PCDHA8: variants seen among roughly 807,000 people sequenced by gnomAD.
PCDHA8 encodes the protein protocadherin alpha 8, also known as protocadherin alpha-8.
PCDHA8 carries 53 observed loss-of-function variants against 61.8 expected under a neutral mutation model. That is an observed-to-expected ratio of 0.86 (90% CI 0.69 to 1.08). The LOEUF (loss-of-function observed/expected upper bound fraction) is 1.08. Ranked by LOEUF, PCDHA8 falls within the 50% of genes least tolerant of loss-of-function variation. The pLI is 0.00. For synonymous variants in PCDHA8, 618 were observed against 556.6 expected (o/e 1.11, Z -1.55); for missense variants, 1,293 against 1,245.0 (o/e 1.04, Z -0.58).
At chr5:140,866,347 A>G (rs1554160242) in intron 1 of PCDHA8, 2 of 152,140 alleles carry the variant, frequency 1.3e-5, no homozygotes, top group Admixed American at 6.5e-5. Context: ...GGATTCAAGA[A>G]ATGTTTACAA....
chr5:140,965,445 G>T (rs1460508023), intron 1 of PCDHA8, among the ~76,000 whole-genome samples: 1 of 151,794 alleles, frequency 6.6e-6, no homozygotes, highest in Non-Finnish European at 1.5e-5. Flanking sequence ...TGAAATTGCT[G>T]GTTATTGTAA....
chr5:140,884,598 C>T (rs782317237), intron 1 of PCDHA8: 4 of 1,614,108 alleles, frequency 2.5e-6, no homozygotes. Flanking sequence ...CCCAGCCTTC[C>T]TCCTTGTCTG....
intron 1 of PCDHA8, among the ~76,000 whole-genome samples, chr5:140,908,419 A>G (rs782714084): frequency 6.6e-6 from 1 of 152,196 alleles, no homozygotes; most frequent in Non-Finnish European, 1.5e-5. Context: ...TGATGATGGA[A>G]TGCTGCTGTG....
At chr5:140,907,166 A>C (rs2073212277) in intron 1 of PCDHA8, among the ~76,000 whole-genome samples, 2 of 152,174 alleles carry the variant, frequency 1.3e-5, no homozygotes, top group Non-Finnish European at 2.9e-5. Context: ...CATATATTGG[A>C]TGCTGATTCA....
Position 141,009,840 on chromosome 5 carries a change from A to T in PCDHA8, c.2756A>T (p.Lys919Met), listed in dbSNP as rs782270689. 1 of 1,614,186 alleles carries T rather than the reference A, an allele frequency of 6.2e-7. No individual in the cohort carries two copies. The highest frequency in any genetic ancestry group is 1.7e-5 in the Admixed American group (1 of 60,024). The change falls in exon 4 of 4, where the codon AAG (lysine) becomes ATG (methionine). Residue 919 changes from lysine (K) to methionine (M), a missense_variant. Lys to Met is a moderately conservative substitution (Grantham distance 95). Coordinates refer to ENST00000531613, the MANE Select transcript of PCDHA8 (RefSeq NM_018911.3). ...AGTGACTTCATAACCTTCGGCAAAA[A>T]GGAGGAGACCAAGAAAAAGAAGAAA... Reference protein sequence around the residue: ...DKSDFITFGKKEETKKKKKKK... With the variant: ...DKSDFITFGKMEETKKKKKKK...
intron 1 of PCDHA8, among the ~76,000 whole-genome samples, chr5:140,921,612 TATC>T (rs2080294560): frequency 6.6e-6 from 1 of 152,158 alleles, no homozygotes; most frequent in Non-Finnish European, 1.5e-5. Flanking sequence ...ATAAGAAAAA[TATC>T]ATCAGATCAT....
chr5:140,870,420 G>A (rs371557347), intron 1 of PCDHA8: 9 of 1,614,234 alleles, frequency 5.6e-6, no homozygotes, highest in Admixed American at 1.7e-5. Context: ...CCACGGCCAG[G>A]GTATCCGTGG....
chr5:141,009,510 C>T (rs936602953), intron 3 of PCDHA8, 117 bp from the exon 4 acceptor site: 7 of 1,498,300 alleles, frequency 4.7e-6, no homozygotes, highest in Admixed American at 4.7e-5. Flanking sequence ...ACAAACAACT[C>T]GTGATTTTTC....
chr5:140,998,893 C>T (rs144409989), intron 3 of PCDHA8, among the ~76,000 whole-genome samples: 1 of 152,306 alleles, frequency 6.6e-6, no homozygotes, highest in African/African-American at 2.4e-5. Flanking sequence ...GAATAAATAA[C>T]AATGCCTCCG....
chr5:140,857,445 A>G lies in PCDHA8; in HGVS notation c.2394+13730A>G, dbSNP rs144782261. The G allele has an allele frequency of 8.5e-5, 136 of 1,598,262 alleles. 10 individuals carry two copies. Among genetic ancestry groups the G allele is most frequent in the Non-Finnish European group, 1.1e-4 (128 of 1,167,832 alleles). ...GAGTACACGGTGTTCGTGAAGGAGA[A>G]CAACCCGCCAGGCTGCCACATCTTC... On this transcript the variant is annotated intron_variant, in intron 1 of 3. Transcript: ENST00000531613.
At chr5:140,869,170 T>C in intron 1 of PCDHA8, 3 of 1,613,920 alleles carry the variant, frequency 1.9e-6, no homozygotes, top group Non-Finnish European at 2.5e-6. Context: ...CCTCCTCGAA[T>C]TCTGGGAGGT....
chr5:141,007,435 G>A (rs1342767950), intron 3 of PCDHA8, among the ~76,000 whole-genome samples: 1 of 150,972 alleles, frequency 6.6e-6, no homozygotes, highest in Non-Finnish European at 1.5e-5. Flanking sequence ...AGGCATGGTG[G>A]CATGTGCCTG....
intron 1 of PCDHA8, among the ~76,000 whole-genome samples, chr5:140,946,691 G>C (rs782114019): frequency 6.8e-6 from 1 of 147,578 alleles, no homozygotes; most frequent in Non-Finnish European, 1.5e-5. Flanking sequence ...TGACAATATG[G>C]ATGAATCTGG....
intron 1 of PCDHA8, among the ~76,000 whole-genome samples, chr5:140,941,916 A>G (rs191775899): frequency 2.8e-3 from 421 of 152,316 alleles, no homozygotes; most frequent in Middle Eastern, 6.8e-3. Flanking sequence ...GCTTTTATGT[A>G]TATCTTAAAA....
rs1554143112 is a variant in PCDHA8 at position 140,849,624 on chromosome 5, C to G, written c.2394+5909C>G. ...TATTGCCCTGATTAGTGTGATCGAC[C>G]TAGACGCAGATGCCAACGGGCAGGT... is the stretch of plus-strand genomic sequence containing the variant. On this transcript the variant is annotated intron_variant, in intron 1 of 3. Transcript: ENST00000531613. 3.1e-6 allele frequency: 5 copies of G among 1,598,656 alleles called. No individual in the cohort carries two copies. The African/African-American group carries it at 6.7e-5, about 21-fold the overall frequency.
chr5:140,978,044 G>A (rs1205342779), intron 1 of PCDHA8, among the ~76,000 whole-genome samples: 1 of 152,140 alleles, frequency 6.6e-6, no homozygotes, highest in Non-Finnish European at 1.5e-5. Flanking sequence ...GACAGTGATG[G>A]TGACTGATGA....
intron 3 of PCDHA8, among the ~76,000 whole-genome samples, chr5:140,991,982 A>ACCAC (rs2097483325): frequency 6.6e-6 from 1 of 151,494 alleles, no homozygotes; most frequent in African/African-American, 2.4e-5. Context: ...TATTCTGCCT[A>ACCAC]CCACCCGGTC....
intron 1 of PCDHA8, among the ~76,000 whole-genome samples, chr5:140,925,082 AAAGG>A (rs138596875): frequency 0.022 from 3,184 of 147,344 alleles, 79 homozygotes; most frequent in African/African-American, 0.064. Flanking sequence ...GCTCATCTGG[AAAGG>A]AAGGAAGGAA....
intron 3 of PCDHA8, among the ~76,000 whole-genome samples, chr5:140,984,776 G>C (rs1310495858): frequency 6.6e-6 from 1 of 152,062 alleles, no homozygotes; most frequent in Non-Finnish European, 1.5e-5. Context: ...AAGCTTACTT[G>C]CTGGGTGAGC....
Sources: gnomAD v4.1 joint callset for allele counts (sites outside exome capture counted in the v4.1 genomes callset) on GRCh38, gnomAD v4.1.1 for gene constraint, MANE v1.5 for transcripts, NCBI Gene and HGNC (gene_info 2026-07-23, HGNC 2026-07-21) for gene names.